The following CYREN variants were observed in gnomAD, a reference collection of about 807,000 sequenced individuals.
CYREN encodes cell cycle regulator of non-homologous end joining.
A neutral mutation model predicts 9.7 loss-of-function variants in CYREN; 7 were observed. The ratio of observed to expected loss-of-function variants is 0.72; its 90% CI spans 0.41 to 1.36. The LOEUF (loss-of-function observed/expected upper bound fraction) is 1.36, where lower values mean the gene tolerates loss of function less well. Ranked by LOEUF, CYREN falls within the 40% of genes most tolerant of loss-of-function variation. The pLI is 0.01. For missense variants in CYREN, 215 were observed against 198.1 expected (o/e 1.09, Z -0.51); for synonymous variants, 76 against 77.9 (o/e 0.98, Z 0.13).
intron 2 of CYREN, chr7:135,129,217 C>G: frequency 6.9e-7 from 1 of 1,446,724 alleles, no homozygotes; most frequent in Admixed American, 1.7e-5. Context: ...TGCCAGCTGC[C>G]TGTGATGCAG....
At chr7:135,110,114 G>T (rs930525693) in intron 2 of CYREN, among the ~76,000 whole-genome samples, 2 of 152,192 alleles carry the variant, frequency 1.3e-5, no homozygotes, top group African/African-American at 4.8e-5. Context: ...TGGGAGCTCT[G>T]TCTCAGGGAG....
chr7:135,093,668 T>C (rs748480129), exon 3 of CYREN: 10 of 152,320 alleles, frequency 6.6e-5, no homozygotes, highest in Middle Eastern at 3.4e-3. Context: ...TTAATATTGC[T>C]AGATGGCAAT....
In CYREN at chr7:135,170,668, T is replaced by A. The variant is rs1405419185; in HGVS notation, c.-155A>T. 6.6e-6 allele frequency: 1 copy of A among 152,302 alleles called. No individual in the cohort carries two copies. Among genetic ancestry groups the A allele is most frequent in the African/African-American group, 2.4e-5 (1 of 41,462 alleles). The allele number at this position is 152,302 out of a possible 1,614,324, so 9.4% of individuals were successfully genotyped here. ...ACGCCTCACCCGGAACTTTAAGCCC[T>A]GCCGTCTCGCCTGGCGCCCAAACTC... On this transcript the variant is annotated 5_prime_UTR_variant, in exon 1 of 4. Coordinates refer to ENST00000393114, the MANE Select transcript of CYREN (RefSeq NM_024033.4).
At chr7:135,112,581 TCTATAAGTATGG>T (rs1825794155) in intron 2 of CYREN, among the ~76,000 whole-genome samples, 1 of 152,176 alleles carries the variant, frequency 6.6e-6, no homozygotes, top group African/African-American at 2.4e-5. Flanking sequence ...TTTGCCCCCA[TCTATAAGTATGG>T]CTATAAGTAT....
chr7:135,096,623 A>AGATAGATG (rs1563260394), intron 2 of CYREN, among the ~76,000 whole-genome samples: 1 of 149,726 alleles, frequency 6.7e-6, no homozygotes, highest in African/African-American at 2.5e-5. Context: ...ATAGATAGAT[A>AGATAGATG]GGGCTATTCT....
intron 2 of CYREN, chr7:135,115,721 T>A (rs1049908497): frequency 5.1e-5 from 45 of 878,532 alleles, no homozygotes; most frequent in Non-Finnish European, 6.4e-5. Flanking sequence ...TTGAAAATGA[T>A]GTCAGCTCCA....
At chr7:135,098,343 A>C (rs1169070274) in intron 2 of CYREN, among the ~76,000 whole-genome samples, 6 of 152,336 alleles carry the variant, frequency 3.9e-5, no homozygotes, top group Non-Finnish European at 8.8e-5. Flanking sequence ...GTATGCTTTA[A>C]GTCATCTCTA....
chr7:135,114,709 A>G (rs975370088), intron 2 of CYREN, among the ~76,000 whole-genome samples: 2 of 152,030 alleles, frequency 1.3e-5, no homozygotes, highest in Non-Finnish European at 2.9e-5. Context: ...TCTCTCCTGG[A>G]TTGTTTCTGA....
intron 2 of CYREN, among the ~76,000 whole-genome samples, chr7:135,142,124 T>C (rs969253011): frequency 6.6e-6 from 1 of 151,572 alleles, no homozygotes; most frequent in African/African-American, 2.4e-5. Flanking sequence ...CTCAGTGATA[T>C]GTCTAATACT....
intron 2 of CYREN, among the ~76,000 whole-genome samples, chr7:135,110,111 T>G (rs1243962465): frequency 6.6e-6 from 1 of 152,162 alleles, no homozygotes; most frequent in African/African-American, 2.4e-5. Context: ...CTCTGGGAGC[T>G]CTGTCTCAGG....
chr7:135,164,470 A>T, downstream of CYREN: 1 of 1,598,774 alleles, frequency 6.3e-7, no homozygotes, highest in South Asian at 1.1e-5. Flanking sequence ...CGGTGGCGCG[A>T]CCAGCTGCTG....
chr7:135,114,833 C>T (rs191719543), intron 2 of CYREN, among the ~76,000 whole-genome samples: 1 of 152,316 alleles, frequency 6.6e-6, no homozygotes, highest in Admixed American at 6.5e-5. Flanking sequence ...CTCCTCTGCT[C>T]AATGCCTTCC....
intron 2 of CYREN, among the ~76,000 whole-genome samples, chr7:135,098,239 T>C (rs146955949): frequency 7.3e-4 from 111 of 152,288 alleles, no homozygotes; most frequent in African/African-American, 2.6e-3. Context: ...GGAGGATTGT[T>C]TCCAGGATCT....
intron 2 of CYREN, among the ~76,000 whole-genome samples, chr7:135,119,936 A>G (rs567010799): frequency 2.6e-5 from 4 of 152,332 alleles, no homozygotes; most frequent in African/African-American, 9.6e-5. Context: ...CCTACAGAGG[A>G]AAAACAATTT....
At chr7:135,132,651 A>G (rs1245862466) in intron 2 of CYREN, among the ~76,000 whole-genome samples, 1 of 152,182 alleles carries the variant, frequency 6.6e-6, no homozygotes, top group Non-Finnish European at 1.5e-5. Context: ...CAGTTTCCCC[A>G]TACTCTTCTC....
chr7:135,139,932 T>C (rs1049958423), intron 2 of CYREN, among the ~76,000 whole-genome samples: 10 of 151,964 alleles, frequency 6.6e-5, no homozygotes, highest in Non-Finnish European at 1.5e-4. Context: ...TAGTCTGTTT[T>C]TGTACCAGTA....
chr7:135,162,607 T>C (rs1485170720), downstream of CYREN, among the ~76,000 whole-genome samples: 1 of 152,168 alleles, frequency 6.6e-6, no homozygotes, highest in Non-Finnish European at 1.5e-5. Flanking sequence ...ATGCCCTTTA[T>C]AAAACCATCA....
chr7:135,157,501 C>T (rs529598326), intron 2 of CYREN, among the ~76,000 whole-genome samples: 27 of 152,226 alleles, frequency 1.8e-4, no homozygotes, highest in Middle Eastern at 3.2e-3. Context: ...CAGCAGCTTA[C>T]GCTGCTCTGG....
downstream of CYREN, chr7:135,164,736 C>G (rs148014348): frequency 6.2e-7 from 1 of 1,614,114 alleles, no homozygotes; most frequent in Admixed American, 1.7e-5. Context: ...CTTTGCCCCC[C>G]AGCCTCTCCT....
Sources: gnomAD v4.1 joint callset for allele counts (sites outside exome capture counted in the v4.1 genomes callset) on GRCh38, gnomAD v4.1.1 for gene constraint, MANE v1.5 for transcripts, NCBI Gene and HGNC (gene_info 2026-07-23, HGNC 2026-07-21) for gene names.